The following SETBP1 variants were observed in gnomAD, a reference collection of about 807,000 sequenced individuals.
SETBP1 encodes SET binding protein 1.
SETBP1 carries 9 observed loss-of-function variants against 101.0 expected under a neutral mutation model. The observed-to-expected ratio is 0.09, with a 90% CI of 0.05 to 0.16. The LOEUF (loss-of-function observed/expected upper bound fraction) is 0.16, where lower values mean the gene tolerates loss of function less well. SETBP1 is among the 10% of genes least tolerant of loss of function. SETBP1 has a pLI of 1.00. For synonymous variants in SETBP1, 818 were observed against 788.5 expected, an observed-to-expected ratio of 1.04 and a Z score of -0.63; for missense variants, 1,858 against 2,033.8, an observed-to-expected ratio of 0.91 and a Z score of 1.66.
chr18:44,973,307 A>G (rs190938174), intron 4 of SETBP1, among the ~76,000 whole-genome samples: 26 of 152,308 alleles, frequency 1.7e-4, no homozygotes, highest in African/African-American at 6.0e-4. Context: ...TTTTGTATCA[A>G]TGTTCATCAG....
intron 2 of SETBP1, among the ~76,000 whole-genome samples, chr18:44,865,188 A>T (rs1295436931): frequency 1.3e-4 from 20 of 152,200 alleles, no homozygotes; most frequent in Admixed American, 1.3e-3. Context: ...TAGCAATGTG[A>T]TCTTGAAAAT....
At chr18:44,771,884 C>A (rs560814371) in intron 2 of SETBP1, among the ~76,000 whole-genome samples, 4 of 152,174 alleles carry the variant, frequency 2.6e-5, no homozygotes, top group Admixed American at 6.5e-5. Context: ...GATTTCCCCC[C>A]CAAGGGATAA....
intron 5 of SETBP1, among the ~76,000 whole-genome samples, chr18:45,046,422 C>T (rs1308671384): frequency 6.6e-6 from 1 of 152,200 alleles, no homozygotes; most frequent in Non-Finnish European, 1.5e-5. Flanking sequence ...TGGCAGCCCT[C>T]CAGCCTCCTT....
At chr18:44,848,343 C>T (rs879169977) in intron 2 of SETBP1, among the ~76,000 whole-genome samples, 2 of 151,940 alleles carry the variant, frequency 1.3e-5, no homozygotes, top group Non-Finnish European at 1.5e-5. Context: ...GGGGAGGGGG[C>T]GAAATGAGCA....
chr18:45,054,258 G>T (rs545595570), intron 5 of SETBP1, among the ~76,000 whole-genome samples: 2 of 152,086 alleles, frequency 1.3e-5, no homozygotes, highest in Admixed American at 1.3e-4. Flanking sequence ...CACAATCTTG[G>T]CTCACTGCAC....
intron 4 of SETBP1, among the ~76,000 whole-genome samples, chr18:45,037,071 A>C (rs1404941374): frequency 1.3e-5 from 2 of 152,310 alleles, no homozygotes; most frequent in East Asian, 3.9e-4. Flanking sequence ...TCACTATGTG[A>C]GGTAGTGTTA....
intron 4 of SETBP1, among the ~76,000 whole-genome samples, chr18:45,016,410 T>C (rs1474403081): frequency 6.6e-6 from 1 of 151,060 alleles, no homozygotes; most frequent in African/African-American, 2.4e-5. Context: ...TGGGGGAGAG[T>C]GTGGACCCCT....
In SETBP1 at chr18:45,063,760, C is replaced by T; in HGVS notation, c.*62C>T. On this transcript the variant is annotated 3_prime_UTR_variant, in exon 6 of 6. Transcript: ENST00000649279. ...CTGACACGTGGGAAGCGCAGTGAGC[C>T]GGGGCGGGGGCGGAATCCCCCGCTG... is the stretch of plus-strand genomic sequence containing the variant. 1 of 1,543,620 alleles carries T rather than the reference C, an allele frequency of 6.5e-7. No individual in the cohort carries two copies. Among genetic ancestry groups the T allele is most frequent in the Non-Finnish European group, 8.8e-7 (1 of 1,141,924 alleles).
intron 2 of SETBP1, among the ~76,000 whole-genome samples, chr18:44,707,564 G>A (rs867333178): frequency 7.9e-5 from 12 of 152,308 alleles, no homozygotes; most frequent in South Asian, 6.2e-4. Context: ...GGTCTAGACC[G>A]TCATCATATG....
intron 2 of SETBP1, among the ~76,000 whole-genome samples, chr18:44,734,455 A>G (rs1712274713): frequency 6.6e-6 from 1 of 152,174 alleles, no homozygotes; most frequent in Non-Finnish European, 1.5e-5. Flanking sequence ...CATAAAAAGA[A>G]AGTGAAAAAA....
At chr18:45,024,103 G>A (rs2073120926) in intron 4 of SETBP1, among the ~76,000 whole-genome samples, 1 of 152,072 alleles carries the variant, frequency 6.6e-6, no homozygotes, top group African/African-American at 2.4e-5. Flanking sequence ...CTGTCTCCAT[G>A]TCTTTGCTTT....
chr18:44,920,798 A>C (rs1011135813), intron 3 of SETBP1, among the ~76,000 whole-genome samples: 12 of 152,124 alleles, frequency 7.9e-5, no homozygotes, highest in African/African-American at 2.2e-4. Flanking sequence ...CCCACAATTT[A>C]TGCTTTAAGA....
intron 4 of SETBP1, among the ~76,000 whole-genome samples, chr18:45,003,275 G>A (rs930395271): frequency 2.0e-5 from 3 of 152,142 alleles, no homozygotes; most frequent in Admixed American, 1.3e-4. Context: ...GAGCATACAG[G>A]ACCCTGGGCT....
intron 5 of SETBP1, among the ~76,000 whole-genome samples, chr18:45,044,998 G>C (rs1193284382): frequency 4.6e-5 from 7 of 152,198 alleles, no homozygotes; most frequent in African/African-American, 1.4e-4. Context: ...AAAGCTGGCA[G>C]ATTGGCCAGG....
At chr18:45,062,570 G>A (rs956576781) in intron 5 of SETBP1, among the ~76,000 whole-genome samples, 4 of 152,158 alleles carry the variant, frequency 2.6e-5, no homozygotes, top group Admixed American at 6.5e-5. Flanking sequence ...CTATGAGATC[G>A]ATAGTACATC....
chr18:44,776,274 AT>A (rs1180821457), intron 2 of SETBP1, among the ~76,000 whole-genome samples: 3 of 151,938 alleles, frequency 2.0e-5, no homozygotes, highest in Non-Finnish European at 4.4e-5. Flanking sequence ...TAGGGCTCAT[AT>A]TTTACTGTTC....
intron 2 of SETBP1, among the ~76,000 whole-genome samples, chr18:44,720,370 G>A (rs1004791840): frequency 6.6e-6 from 1 of 152,034 alleles, no homozygotes; most frequent in Non-Finnish European, 1.5e-5. Context: ...AAATTTTATC[G>A]AATCAACAGT....
chr18:44,890,424 CT>C (rs1314986060), intron 3 of SETBP1, among the ~76,000 whole-genome samples: 2 of 152,076 alleles, frequency 1.3e-5, no homozygotes, highest in African/African-American at 4.8e-5. Context: ...AGAGATTGTC[CT>C]ATTTCTCTTC....
At chr18:44,885,624 T>G (rs1373342587) in intron 3 of SETBP1, among the ~76,000 whole-genome samples, 1 of 152,014 alleles carries the variant, frequency 6.6e-6, no homozygotes, top group African/African-American at 2.4e-5. Context: ...CTCCCATTTA[T>G]TTGGCGAAAT....
Sources: allele counts gnomAD v4.1 joint callset (sites outside exome capture counted in the v4.1 genomes callset), GRCh38; gene constraint gnomAD v4.1.1; transcripts MANE v1.5; gene names NCBI Gene and HGNC (gene_info 2026-07-23, HGNC 2026-07-21).